Variants in ERC2 observed in about 807,000 individuals in gnomAD.
ERC2 encodes the protein ELKS/RAB6-interacting/CAST family member 2.
A neutral mutation model predicts 114.8 loss-of-function variants in ERC2; 42 were observed. That is an observed-to-expected ratio of 0.37 (90% CI 0.29 to 0.47). The LOEUF is 0.47. ERC2 is among the 20% of genes least tolerant of loss of function. The probability of loss-of-function intolerance (pLI) is 0.99; values close to 1 mark genes in which losing one functional copy is unlikely to be tolerated. For missense variants in ERC2, 939 were observed against 1,150.7 expected (o/e 0.82, Z 2.66); for synonymous variants, 454 against 425.5 (o/e 1.07, Z -0.82).
At chr3:55,723,913 G>C (rs115741139) in intron 15 of ERC2, among the ~76,000 whole-genome samples, 1 of 152,108 alleles carries the variant, frequency 6.6e-6, no homozygotes, top group Non-Finnish European at 1.5e-5. Context: ...GGCAGGAAGT[G>C]GGATCTTTTT....
At chr3:56,150,347 T>C (rs2081353338) in intron 4 of ERC2, among the ~76,000 whole-genome samples, 1 of 152,290 alleles carries the variant, frequency 6.6e-6, no homozygotes, top group East Asian at 1.9e-4. Flanking sequence ...GTGGTATATC[T>C]CCTATGGCAA....
At chr3:56,325,802 C>T (rs1055132239) in intron 2 of ERC2, among the ~76,000 whole-genome samples, 2 of 152,170 alleles carry the variant, frequency 1.3e-5, no homozygotes, top group Admixed American at 1.3e-4. Flanking sequence ...CCCCTTTCTA[C>T]AGATGAGAAA....
intron 7 of ERC2, among the ~76,000 whole-genome samples, chr3:56,067,943 A>C (rs576276346): frequency 1.3e-5 from 2 of 152,292 alleles, no homozygotes; most frequent in South Asian, 4.1e-4. Context: ...TCAGTTTGCC[A>C]GTATATTATT....
At chr3:56,442,840 A>G (rs898187633) in intron 1 of ERC2, among the ~76,000 whole-genome samples, 1 of 152,224 alleles carries the variant, frequency 6.6e-6, no homozygotes, top group African/African-American at 2.4e-5. Context: ...CTGTTGAATG[A>G]GGGGGATAAG....
intron 2 of ERC2, among the ~76,000 whole-genome samples, chr3:56,349,507 CA>C (rs2058467994): frequency 6.6e-6 from 1 of 152,200 alleles, no homozygotes; most frequent in Admixed American, 6.5e-5. Context: ...AGCCTCAGAG[CA>C]AACTCCAAAG....
intron 16 of ERC2, among the ~76,000 whole-genome samples, chr3:55,695,176 T>C (rs976946465): frequency 6.6e-6 from 1 of 152,230 alleles, no homozygotes; most frequent in African/African-American, 2.4e-5. Flanking sequence ...GTGAAATCAA[T>C]CTTGGTAACC....
intron 14 of ERC2, among the ~76,000 whole-genome samples, chr3:55,833,403 C>T (rs1418387743): frequency 1.3e-4 from 20 of 151,662 alleles, no homozygotes; most frequent in Middle Eastern, 6.8e-3. Context: ...AGACTAACAG[C>T]GGATCTCTCG....
chr3:56,199,001 T>C (rs2048264428), intron 3 of ERC2, among the ~76,000 whole-genome samples: 1 of 152,190 alleles, frequency 6.6e-6, no homozygotes, highest in Admixed American at 6.5e-5. Context: ...TCAGTTTCTT[T>C]ATTCATTCAA....
At chr3:56,212,949 G>A (rs1016480352) in intron 3 of ERC2, among the ~76,000 whole-genome samples, 25 of 152,186 alleles carry the variant, frequency 1.6e-4, no homozygotes, top group African/African-American at 6.0e-4. Context: ...AACATTCTAT[G>A]TTCTCATTCA....
At chr3:55,685,957 CA>C (rs1229187690) in intron 16 of ERC2, among the ~76,000 whole-genome samples, 2 of 151,902 alleles carry the variant, frequency 1.3e-5, no homozygotes, top group Non-Finnish European at 2.9e-5. Flanking sequence ...AGAAAGTAAG[CA>C]AAAAGAAAAG....
intron 17 of ERC2, among the ~76,000 whole-genome samples, chr3:55,590,575 C>G (rs894301535): frequency 2.0e-5 from 3 of 152,180 alleles, no homozygotes; most frequent in African/African-American, 7.2e-5. Context: ...GGTAAAACTA[C>G]ACGAACTGAC....
chr3:56,116,074 C>T (rs73091241), intron 6 of ERC2, among the ~76,000 whole-genome samples: 17,693 of 152,218 alleles, frequency 0.12, 1,173 homozygotes, highest in Non-Finnish European at 0.14. Flanking sequence ...GCCTCCTGAC[C>T]GACCCTAGTG....
intron 14 of ERC2, among the ~76,000 whole-genome samples, chr3:55,854,618 C>G (rs2061712694): frequency 6.6e-6 from 1 of 152,184 alleles, no homozygotes; most frequent in Non-Finnish European, 1.5e-5. Context: ...CCCAGATCCC[C>G]TAAGGACCTG....
At chr3:55,827,412 AAG>A (rs2060374345) in intron 14 of ERC2, among the ~76,000 whole-genome samples, 1 of 151,752 alleles carries the variant, frequency 6.6e-6, no homozygotes, top group Non-Finnish European at 1.5e-5. Context: ...AAAAGAGAGA[AAG>A]AGGGAAGAAA....
chr3:56,044,005 A>G (rs1212066191), intron 7 of ERC2, among the ~76,000 whole-genome samples: 2 of 152,180 alleles, frequency 1.3e-5, no homozygotes, highest in Non-Finnish European at 2.9e-5. Context: ...AATGCTTCTT[A>G]AGTACTCAAA....
intron 14 of ERC2, among the ~76,000 whole-genome samples, chr3:55,806,343 C>CA (rs2059492000): frequency 7.0e-6 from 1 of 142,340 alleles, no homozygotes; most frequent in Admixed American, 7.0e-5. Flanking sequence ...AAAAAAAAAG[C>CA]AAAGAAGAAA....
At chr3:55,785,713 G>A (rs753220313) in intron 14 of ERC2, among the ~76,000 whole-genome samples, 1 of 152,170 alleles carries the variant, frequency 6.6e-6, no homozygotes, top group Non-Finnish European at 1.5e-5. Flanking sequence ...TCTACTTGGG[G>A]TCGATTCTCT....
chr3:55,744,674 C>T (rs1405341726), intron 14 of ERC2, among the ~76,000 whole-genome samples: 1 of 152,194 alleles, frequency 6.6e-6, no homozygotes, highest in African/African-American at 2.4e-5. Flanking sequence ...ATTCTGTATC[C>T]AGGCCCTGTA....
chr3:56,206,975 A>T (rs1460067110), intron 3 of ERC2, among the ~76,000 whole-genome samples: 1 of 152,246 alleles, frequency 6.6e-6, no homozygotes, highest in Non-Finnish European at 1.5e-5. Flanking sequence ...TAATAATTCA[A>T]TTAAATAATT....
Sources: allele counts gnomAD v4.1 joint callset (sites outside exome capture counted in the v4.1 genomes callset), GRCh38; gene constraint gnomAD v4.1.1; transcripts MANE v1.5; gene names NCBI Gene and HGNC (gene_info 2026-07-23, HGNC 2026-07-21).